The following CNTNAP2 variants were observed in gnomAD, a reference collection of about 807,000 sequenced individuals.
The protein encoded by CNTNAP2 is contactin associated protein 2, also known as contactin-associated protein-like 2.
CNTNAP2 carries 98 observed loss-of-function variants against 155.2 expected under a neutral mutation model. The observed-to-expected ratio is 0.63, with a 90% CI of 0.54 to 0.75. The LOEUF (loss-of-function observed/expected upper bound fraction) is 0.75. CNTNAP2 is among the 30% of genes least tolerant of loss of function. The pLI, the probability that CNTNAP2 is intolerant of heterozygous loss-of-function variation, is 0.00. For missense variants in CNTNAP2, 1,727 were observed against 1,688.1 expected, an observed-to-expected ratio of 1.02 and a Z score of -0.40; for synonymous variants, 651 against 631.2, an observed-to-expected ratio of 1.03 and a Z score of -0.47.
intron 13 of CNTNAP2, among the ~76,000 whole-genome samples, chr7:147,771,094 C>G (rs922322762): frequency 1.3e-5 from 2 of 152,034 alleles, no homozygotes; most frequent in Non-Finnish European, 2.9e-5. Flanking sequence ...CAAAGAGTAG[C>G]TACAGTAAAA....
intron 12 of CNTNAP2, among the ~76,000 whole-genome samples, chr7:147,625,584 CA>C (rs142672655): frequency 0.2 from 29,782 of 151,924 alleles, 3,098 homozygotes; most frequent in Middle Eastern, 0.24. Context: ...TGTCAATTAC[CA>C]AAGAAATTGT....
chr7:146,146,525 A>T (rs951918200), intron 1 of CNTNAP2, among the ~76,000 whole-genome samples: 1 of 152,068 alleles, frequency 6.6e-6, no homozygotes, highest in East Asian at 1.9e-4. Flanking sequence ...CCTTGAAGTT[A>T]TTTATTGCAA....
chr7:148,096,476 A>C (rs563517031), intron 15 of CNTNAP2, among the ~76,000 whole-genome samples: 29 of 152,342 alleles, frequency 1.9e-4, no homozygotes, highest in African/African-American at 7.0e-4. Context: ...AGATTAATTT[A>C]GACCATAAAA....
chr7:146,281,295 G>T (rs1258846871), intron 1 of CNTNAP2, among the ~76,000 whole-genome samples: 2 of 152,118 alleles, frequency 1.3e-5, no homozygotes, highest in African/African-American at 4.8e-5. Context: ...TTTAATAAAG[G>T]TTGAGTAACT....
At chr7:147,510,951 T>A (rs1799008676) in intron 11 of CNTNAP2, among the ~76,000 whole-genome samples, 1 of 149,084 alleles carries the variant, frequency 6.7e-6, no homozygotes, top group African/African-American at 2.5e-5. Flanking sequence ...CAGTTCTATG[T>A]CTATATGGTT....
intron 10 of CNTNAP2, among the ~76,000 whole-genome samples, chr7:147,397,770 AT>A (rs10646575): frequency 0.14 from 20,362 of 145,676 alleles, 1,504 homozygotes; most frequent in East Asian, 0.32. Context: ...GATACACAAA[AT>A]TTTTTTTTTT....
chr7:147,061,676 T>C (rs1799678235), intron 4 of CNTNAP2, among the ~76,000 whole-genome samples: 1 of 152,222 alleles, frequency 6.6e-6, no homozygotes, highest in South Asian at 2.1e-4. Context: ...TCCTGCAGTC[T>C]TGGGAACTTG....
intron 11 of CNTNAP2, among the ~76,000 whole-genome samples, chr7:147,560,925 G>A (rs1800050630): frequency 1.3e-5 from 2 of 150,954 alleles, no homozygotes; most frequent in South Asian, 4.2e-4. Flanking sequence ...AAAAAGGGAG[G>A]TCCCAGAATC....
Position 147,334,388 on chromosome 7 carries a change from G to C in CNTNAP2, c.1498+34098G>C, listed in dbSNP as rs559381588. On this transcript the variant is annotated intron_variant, in intron 9 of 23. Coordinates refer to ENST00000361727, the MANE Select transcript of CNTNAP2 (RefSeq NM_014141.6). Reference sequence around the variant, plus strand: ...ATTGGAAAAATAACCAATAACTGTTGACTGTAGTTCTTCCCTTGCCATTTA... The same window carrying C: ...ATTGGAAAAATAACCAATAACTGTTCACTGTAGTTCTTCCCTTGCCATTTA... Among the ~76,000 whole-genome samples, 3 of 152,264 alleles carry C rather than the reference G, an allele frequency of 2.0e-5. No homozygotes were observed. The South Asian group carries it at 6.2e-4, about 32-fold the overall frequency.
At chr7:147,074,759 T>C (rs1184908117) in intron 4 of CNTNAP2, among the ~76,000 whole-genome samples, 1 of 152,182 alleles carries the variant, frequency 6.6e-6, no homozygotes, top group Non-Finnish European at 1.5e-5. Context: ...ATCAGGAGGT[T>C]TGTGTTTTGT....
chr7:148,243,670 T>C (rs892262119), intron 20 of CNTNAP2, among the ~76,000 whole-genome samples: 2 of 152,010 alleles, frequency 1.3e-5, no homozygotes, highest in Non-Finnish European at 2.9e-5. Context: ...CTGGCCCCCA[T>C]GATTCGATTA....
At chr7:148,128,664 T>C (rs558050894) in intron 16 of CNTNAP2, among the ~76,000 whole-genome samples, 10 of 152,330 alleles carry the variant, frequency 6.6e-5, no homozygotes, top group South Asian at 2.1e-4. Context: ...GTTATGAAGA[T>C]GGATTTTAGA....
intron 1 of CNTNAP2, among the ~76,000 whole-genome samples, chr7:146,695,176 G>A (rs1800761545): frequency 6.6e-6 from 1 of 152,054 alleles, no homozygotes; most frequent in Admixed American, 6.5e-5. Flanking sequence ...TAGGGGGAAA[G>A]CATCCAGTTT....
At chr7:146,191,665 T>A (rs921772479) in intron 1 of CNTNAP2, among the ~76,000 whole-genome samples, 4 of 152,158 alleles carry the variant, frequency 2.6e-5, no homozygotes, top group Non-Finnish European at 5.9e-5. Context: ...CCCCTGGGAA[T>A]GCGTTCTCTT....
intron 1 of CNTNAP2, among the ~76,000 whole-genome samples, chr7:146,246,180 G>A (rs1014461351): frequency 3.3e-5 from 5 of 151,750 alleles, no homozygotes; most frequent in Middle Eastern, 6.8e-3. Context: ...ATGGTAAGGG[G>A]TGCATGATCG....
intron 1 of CNTNAP2, among the ~76,000 whole-genome samples, chr7:146,476,951 G>T (rs1014519932): frequency 2.0e-5 from 3 of 152,104 alleles, no homozygotes; most frequent in African/African-American, 7.2e-5. Context: ...ATAAAATTAT[G>T]GATACTATCT....
At chr7:148,041,026 A>G (rs1802666023) in intron 15 of CNTNAP2, among the ~76,000 whole-genome samples, 2 of 152,230 alleles carry the variant, frequency 1.3e-5, no homozygotes, top group African/African-American at 4.8e-5. Flanking sequence ...TGTACAACAT[A>G]AAGACATAAT....
At chr7:146,543,175 T>TG (rs1242157121) in intron 1 of CNTNAP2, among the ~76,000 whole-genome samples, 1 of 151,794 alleles carries the variant, frequency 6.6e-6, no homozygotes, top group Non-Finnish European at 1.5e-5. Flanking sequence ...CTTAATAAAT[T>TG]TTTTTTATTT....
intron 1 of CNTNAP2, among the ~76,000 whole-genome samples, chr7:146,306,123 A>T (rs1189466996): frequency 1.3e-5 from 2 of 152,202 alleles, no homozygotes; most frequent in Non-Finnish European, 2.9e-5. Flanking sequence ...AAACACCTCT[A>T]TGCAAATAAC....
Sources: allele counts gnomAD v4.1 joint callset (sites outside exome capture counted in the v4.1 genomes callset), GRCh38; gene constraint gnomAD v4.1.1; transcripts MANE v1.5; gene names NCBI Gene and HGNC (gene_info 2026-07-23, HGNC 2026-07-21).